Variants in NPC2 observed in about 807,000 individuals in gnomAD.
NPC2 encodes the protein NPC intracellular cholesterol transporter 2.
NPC2 carries 14 observed loss-of-function variants against 17.0 expected under a neutral mutation model. The ratio of observed to expected loss-of-function variants is 0.82; its 90% CI spans 0.54 to 1.29. NPC2 has a LOEUF of 1.29. NPC2 is among the 50% of genes most tolerant of loss of function. NPC2 has a pLI of 0.00. For synonymous variants in NPC2, 75 were observed against 69.3 expected, an observed-to-expected ratio of 1.08 and a Z score of -0.41; for missense variants, 167 against 183.4, an observed-to-expected ratio of 0.91 and a Z score of 0.52.
chr14:74,493,318 C>T (rs774489210), upstream of NPC2: 106 of 1,594,426 alleles, frequency 6.6e-5, no homozygotes, highest in Non-Finnish European at 8.5e-5. The surrounding 1 kb of genome is among the most constrained non-coding windows in gnomAD (Gnocchi z 4.1). Context: ...GCAGCGGCCG[C>T]CCGCGGTCAC....
intron 3 of NPC2, among the ~76,000 whole-genome samples, chr14:74,482,234 T>C (rs2086663035): frequency 6.6e-6 from 1 of 152,122 alleles, no homozygotes; most frequent in African/African-American, 2.4e-5. Context: ...TATATTTGAG[T>C]CTCTTTAGAA....
intron 3 of NPC2, among the ~76,000 whole-genome samples, chr14:74,482,305 A>G (rs2086663816): frequency 6.6e-6 from 1 of 152,184 alleles, no homozygotes; most frequent in Non-Finnish European, 1.5e-5. Context: ...CCTGAGTTCT[A>G]CTTGATTTCA....
chr14:74,483,115 C>A, intron 3 of NPC2: 1 of 962,314 alleles, frequency 1.0e-6, no homozygotes, highest in Non-Finnish European at 1.7e-6. Flanking sequence ...CAACTGCCAA[C>A]AGTGTATGCT....
At chr14:74,483,026 T>A in intron 3 of NPC2, 1 of 1,161,314 alleles carries the variant, frequency 8.6e-7, no homozygotes, top group Non-Finnish European at 1.3e-6. Flanking sequence ...TCTGCTCTGA[T>A]GGTTCAGTTT....
In NPC2 at chr14:74,479,979, G is replaced by A. The variant is rs113587712; in HGVS notation, c.*295C>T. On this transcript the variant is annotated 3_prime_UTR_variant, in exon 5 of 5. Transcript: ENST00000555619. ...CAAACGAGTTTTTATTTATTCAAGA[G>A]TAAATTTCCAGGTGTAGAAAGAGGC... is the stretch of plus-strand genomic sequence containing the variant. The A allele has an allele frequency of 7.3e-7, 1 of 1,364,046 alleles. No homozygotes were observed. The highest frequency in any genetic ancestry group is 3.0e-5 in the Admixed American group (1 of 33,388). The allele number at this position is 1,364,046 out of a possible 1,614,324, so 84.5% of individuals were successfully genotyped here.
intron 1 of NPC2, among the ~76,000 whole-genome samples, chr14:74,491,939 G>T (rs1248006421): frequency 2.0e-5 from 3 of 152,128 alleles, no homozygotes; most frequent in Admixed American, 2.0e-4. Context: ...GGGCCACGCC[G>T]CCTCTGGCTG....
intron 3 of NPC2, chr14:74,483,282 C>T: frequency 8.7e-7 from 1 of 1,153,838 alleles, no homozygotes; most frequent in Non-Finnish European, 1.3e-6. Context: ...GAAGATGTTC[C>T]AATGATTTTG....
intron 3 of NPC2, among the ~76,000 whole-genome samples, chr14:74,483,916 CT>C (rs974737019): frequency 6.6e-6 from 1 of 152,106 alleles, no homozygotes; most frequent in African/African-American, 2.4e-5. Flanking sequence ...CAGTAGATAA[CT>C]TTTTTGAATC....
intron 2 of NPC2, 30 bp from the exon 3 acceptor site, chr14:74,484,617 A>G: frequency 6.2e-7 from 1 of 1,612,842 alleles, no homozygotes; most frequent in Non-Finnish European, 8.5e-7. Flanking sequence ...TCAGATGGCA[A>G]AGAAAATAAC....
At chr14:74,484,755 C>CAAAAAAAAAAAA (rs71115996) in intron 2 of NPC2, among the ~76,000 whole-genome samples, 168 bp from the exon 3 acceptor site, 8 of 85,218 alleles carry the variant, frequency 9.4e-5, no homozygotes, top group Admixed American at 1.4e-4. Flanking sequence ...CACAATTATG[C>CAAAAAAAAAAAA]AAAAAAAAAA....
chr14:74,489,548 G>A (rs1207348170), intron 1 of NPC2, among the ~76,000 whole-genome samples: 1 of 152,194 alleles, frequency 6.6e-6, no homozygotes, highest in East Asian at 1.9e-4. Context: ...GTGTGTGTGT[G>A]TGTGTCTGTG....
At chr14:74,487,076 G>A (rs1275600411) in intron 1 of NPC2, among the ~76,000 whole-genome samples, 2 of 151,602 alleles carry the variant, frequency 1.3e-5, no homozygotes, top group Non-Finnish European at 1.5e-5. Context: ...TCAGCCTCCT[G>A]AGTAGCTGGG....
chr14:74,480,292 T>G lies in NPC2; in HGVS notation c.442-4A>C, dbSNP rs114950106. The G allele has an allele frequency of 3.3e-3, 5,326 of 1,612,074 alleles. 119 individuals are homozygous for G. In the South Asian group the frequency reaches 0.034, roughly 10 times the overall value. The stretch of plus-strand genomic sequence containing the variant: ...GAGGCACTTAGAGATGAGAAACCTG[T>G]GGATGTAATGTCCCAGCTCAGTGGA... On this transcript the variant is annotated splice_region_variant and splice_polypyrimidine_tract_variant and intron_variant, in intron 4 of 4. Transcript: ENST00000555619.
At chr14:74,493,427 C>G (rs904738166), upstream of NPC2, 35 of 1,526,730 alleles carry the variant, frequency 2.3e-5, no homozygotes, top group Admixed American at 5.5e-4. This position sits in a 1 kb window ranked among gnomAD's most constrained non-coding sequence, Gnocchi z 4.1. Flanking sequence ...CCCCCGGCTC[C>G]GGAAAGCCAG....
chr14:74,489,563 T>C (rs951474166), intron 1 of NPC2, among the ~76,000 whole-genome samples: 1 of 152,196 alleles, frequency 6.6e-6, no homozygotes, highest in East Asian at 1.9e-4. Flanking sequence ...TCTGTGTGTG[T>C]ATGTATGTAT....
chr14:74,489,230 TC>T (rs1427648125), intron 1 of NPC2, among the ~76,000 whole-genome samples: 1 of 152,222 alleles, frequency 6.6e-6, no homozygotes, highest in East Asian at 1.9e-4. Context: ...GGGTTTCATT[TC>T]CTCTGAAATA....
At chr14:74,491,661 G>A (rs773753105) in intron 1 of NPC2, among the ~76,000 whole-genome samples, 12 of 152,132 alleles carry the variant, frequency 7.9e-5, no homozygotes, top group Non-Finnish European at 1.2e-4. Context: ...CTGGGCACTG[G>A]ATATAAAGCA....
At chr14:74,489,534 ATAAGTG>A (rs1220093954) in intron 1 of NPC2, among the ~76,000 whole-genome samples, 5 of 54,770 alleles carry the variant, frequency 9.1e-5, no homozygotes, top group African/African-American at 4.9e-4. Flanking sequence ...CGTTCTTAAA[ATAAGTG>A]TGTGTGTGTG....
chr14:74,493,426 C>G, upstream of NPC2: 1 of 1,527,466 alleles, frequency 6.5e-7, no homozygotes, highest in Non-Finnish European at 8.8e-7. This position sits in a 1 kb window ranked among gnomAD's most constrained non-coding sequence, Gnocchi z 4.1. Flanking sequence ...GCCCCCGGCT[C>G]CGGAAAGCCA....
Sources: gnomAD v4.1 joint callset for allele counts (sites outside exome capture counted in the v4.1 genomes callset) on GRCh38, gnomAD v4.1.1 for gene constraint, Gnocchi (gnomAD v3.1) non-coding constraint, MANE v1.5 for transcripts, NCBI Gene and HGNC (gene_info 2026-07-23, HGNC 2026-07-21) for gene names.